The following DPYSL2 variants were observed in gnomAD, a reference collection of about 807,000 sequenced individuals.
DPYSL2 encodes the protein dihydropyrimidinase-related protein 2.
Under a neutral mutation model 69.9 loss-of-function variants are expected in DPYSL2, and 13 were observed. That is an observed-to-expected ratio of 0.19 (90% CI 0.12 to 0.30). The LOEUF (loss-of-function observed/expected upper bound fraction) is 0.30. Among genes scored for constraint, DPYSL2 ranks in the 10% least tolerant of loss-of-function variants. The pLI is 1.00. For missense variants in DPYSL2, 587 were observed against 918.9 expected (o/e 0.64, Z 4.67); for synonymous variants, 326 against 359.1 (o/e 0.91, Z 1.04).
intron 1 of DPYSL2, among the ~76,000 whole-genome samples, chr8:26,549,515 T>C (rs1800838435): frequency 6.6e-6 from 1 of 152,100 alleles, no homozygotes; most frequent in Non-Finnish European, 1.5e-5. Context: ...GAAGCCATAA[T>C]GACTGCGAAT....
intron 1 of DPYSL2, among the ~76,000 whole-genome samples, chr8:26,537,761 A>G (rs2084803416): frequency 6.6e-6 from 1 of 152,216 alleles, no homozygotes; most frequent in African/African-American, 2.4e-5. Flanking sequence ...AACCATCAAA[A>G]TCAGAAAATT....
At chr8:26,548,096 T>G (rs548654765) in intron 1 of DPYSL2, 1 of 225,328 alleles carries the variant, frequency 4.4e-6, no homozygotes, top group Admixed American at 4.4e-5. Context: ...AGGATGGACA[T>G]TATTTTGGGA....
chr8:26,629,738 GATTTTATTTT>G (rs576534531), intron 7 of DPYSL2, among the ~76,000 whole-genome samples: 150 of 152,280 alleles, frequency 9.9e-4, no homozygotes, highest in African/African-American at 3.4e-3. Context: ...GCCTGAGGCT[GATTTTATTTT>G]ATTTTATTTT....
rs570177968 is a variant in DPYSL2 at position 26,626,905 on chromosome 8, G to A, written c.855+227G>A. Among the ~76,000 whole-genome samples, 18 of 152,268 alleles carry A rather than the reference G, an allele frequency of 1.2e-4. No individual in the cohort carries two copies. In the South Asian group the frequency reaches 3.3e-3, roughly 28 times the overall value. ...CTGGATCTGAGGCTCTGCCCCGCACGGCGTGTGTGGGAGCGGCACTCAGAA... is the reference window on the plus strand; with the variant it reads ...CTGGATCTGAGGCTCTGCCCCGCACAGCGTGTGTGGGAGCGGCACTCAGAA... On this transcript the variant is annotated intron_variant, in intron 5 of 13. Transcript: ENST00000521913. The surrounding 1 kb of genome is among the most constrained non-coding windows in gnomAD (Gnocchi z 4.3).
At position 26,514,250 on chromosome 8, in the gene DPYSL2, T is replaced by G; in HGVS notation, c.-76T>G. Reference sequence around the variant, plus strand: ...GCCGCGGCAGCAGCTAGGGGGCTTGTGCACACAGCGAGGGAGACTTAGGGA... The same window carrying G: ...GCCGCGGCAGCAGCTAGGGGGCTTGGGCACACAGCGAGGGAGACTTAGGGA... On this transcript the variant is annotated 5_prime_UTR_variant, in exon 1 of 14. Transcript: ENST00000521913. This position sits in a 1 kb window ranked among gnomAD's most constrained non-coding sequence, Gnocchi z 8.4. 1 of 1,288,312 alleles carries G rather than the reference T, an allele frequency of 7.8e-7. No homozygotes were observed. The highest frequency in any genetic ancestry group is 1.0e-6 in the Non-Finnish European group (1 of 983,074). The allele number at this position is 1,288,312 out of a possible 1,614,324, so 79.8% of individuals were successfully genotyped here.
rs929004917 is a variant in DPYSL2 at position 26,585,506 on chromosome 8, C to T, written c.628+1523C>T. On this transcript the variant is annotated intron_variant, in intron 3 of 13. Transcript: ENST00000521913. The surrounding 1 kb of genome is among the most constrained non-coding windows in gnomAD (Gnocchi z 4.0). ...CAAGTGTAAGCCTTGCGACTTGTGT[C>T]TTGCTGTACATGTTGCCCTTTAACC... Among the ~76,000 whole-genome samples, 1 of 152,082 alleles carries T rather than the reference C, an allele frequency of 6.6e-6. No individual in the cohort carries two copies. The highest frequency in any genetic ancestry group is 1.5e-5 in the Non-Finnish European group (1 of 68,026).
In DPYSL2 at chr8:26,593,909, C is replaced by T. The variant is rs1391490146; in HGVS notation, c.628+9926C>T. ...GACTGGAATCTTTCCTTGTGGGGAG[C>T]CTGTGAGACAAAAATCAAAAGGGCC... On this transcript the variant is annotated intron_variant, in intron 3 of 13. Coordinates refer to ENST00000521913, the MANE Select transcript of DPYSL2 (RefSeq NM_001197293.3). The surrounding 1 kb of genome is among the most constrained non-coding windows in gnomAD (Gnocchi z 5.7). Among the ~76,000 whole-genome samples the T allele has an allele frequency of 1.3e-5, 2 of 152,098 alleles. No homozygotes were observed. Among genetic ancestry groups the T allele is most frequent in the African/African-American group, 4.8e-5 (2 of 41,414 alleles).
chr8:26,604,848 T>A (rs1326795829), intron 3 of DPYSL2, among the ~76,000 whole-genome samples: 1 of 151,968 alleles, frequency 6.6e-6, no homozygotes, highest in Non-Finnish European at 1.5e-5. Context: ...TTTTTTTTAG[T>A]AGAGACGGGG....
At position 26,624,255 on chromosome 8, in the gene DPYSL2, T is replaced by C. The variant is rs327222; in HGVS notation, c.741T>C (p.Ser247=). Residue 247 remains serine (S), a synonymous_variant, in exon 4 of 14, where the codon AGT becomes AGC. Coordinates refer to ENST00000521913, the MANE Select transcript of DPYSL2 (RefSeq NM_001197293.3). The surrounding 1 kb of genome is among the most constrained non-coding windows in gnomAD (Gnocchi z 4.7). ...CCDYSLHVDI[S]EWHKGIQEEM... ...ACTACTCTCTGCATGTGGACATCAG[T>C]GAGTGGCATAAGGGCATCCAGGAGG... 0.98 allele frequency: 1,583,797 copies of C among 1,614,186 alleles called. 777,619 individuals carry two copies. The highest frequency in any genetic ancestry group is 0.99 in the Non-Finnish European group (1,168,925 of 1,180,048).
At chr8:26,655,378 C>T (rs946530071) in intron 13 of DPYSL2, among the ~76,000 whole-genome samples, 1 of 152,078 alleles carries the variant, frequency 6.6e-6, no homozygotes, top group Non-Finnish European at 1.5e-5. Flanking sequence ...TGGCTGTGGT[C>T]CCAGCTTCTT....
At chr8:26,569,316 G>A (rs1167515996) in intron 1 of DPYSL2, among the ~76,000 whole-genome samples, 2 of 140,514 alleles carry the variant, frequency 1.4e-5, no homozygotes, top group Non-Finnish European at 3.0e-5. Context: ...CTCATGCCAC[G>A]GCACTCTAGC....
chr8:26,545,877 GT>G (rs1385974681), intron 1 of DPYSL2, among the ~76,000 whole-genome samples: 1 of 152,044 alleles, frequency 6.6e-6, no homozygotes, highest in Non-Finnish European at 1.5e-5. Flanking sequence ...CCCTTGATCT[GT>G]TTGTCTTGAC....
In DPYSL2 at chr8:26,598,247, C is replaced by T. The variant is rs997348961; in HGVS notation, c.628+14264C>T. ...GCTAAATTTGTTTTGTGACTTTTGC[C>T]TTCAGCAGCCATCGCATTACATCAT... On this transcript the variant is annotated intron_variant, in intron 3 of 13. Transcript: ENST00000521913. The surrounding 1 kb of genome is among the most constrained non-coding windows in gnomAD (Gnocchi z 4.2). 4.6e-5 allele frequency among the ~76,000 whole-genome samples: 7 copies of T among 152,214 alleles called. No individual in the cohort carries two copies. The highest frequency in any genetic ancestry group is 1.7e-4 in the African/African-American group (7 of 41,454).
chr8:26,614,270 G>T lies in DPYSL2; in HGVS notation c.629-9873G>T, dbSNP rs1209036386. Reference sequence around the variant, plus strand: ...ACAGACAGGAAGGGAACAGAACTGGGATGTGGCAGGGACAGGTTCCAGGCA... The same window carrying T: ...ACAGACAGGAAGGGAACAGAACTGGTATGTGGCAGGGACAGGTTCCAGGCA... On this transcript the variant is annotated intron_variant, in intron 3 of 13. Coordinates refer to ENST00000521913, the MANE Select transcript of DPYSL2 (RefSeq NM_001197293.3). This position sits in a 1 kb window ranked among gnomAD's most constrained non-coding sequence, Gnocchi z 4.9. 6.6e-6 allele frequency among the ~76,000 whole-genome samples: 1 copy of T among 152,216 alleles called. No individual in the cohort carries two copies. Among genetic ancestry groups the T allele is most frequent in the African/African-American group, 2.4e-5 (1 of 41,446 alleles).
intron 1 of DPYSL2, among the ~76,000 whole-genome samples, chr8:26,519,349 C>T (rs1217917991): frequency 6.6e-6 from 1 of 152,150 alleles, no homozygotes; most frequent in Admixed American, 6.5e-5. Flanking sequence ...AAGTGATGTC[C>T]TGAAAACTAC....
chr8:26,601,586 C>T (rs2129815957), intron 3 of DPYSL2, among the ~76,000 whole-genome samples: 1 of 152,148 alleles, frequency 6.6e-6, no homozygotes, highest in East Asian at 1.9e-4. Context: ...ACCGTTTTAG[C>T]CAGGATGGTC....
intron 3 of DPYSL2, among the ~76,000 whole-genome samples, chr8:26,590,698 A>G (rs1801705585): frequency 1.3e-5 from 2 of 152,164 alleles, no homozygotes; most frequent in Admixed American, 1.3e-4. Flanking sequence ...GGAAGAATCC[A>G]TCCACCCCCT....
At chr8:26,573,660 C>T (rs1801276343) in intron 1 of DPYSL2, among the ~76,000 whole-genome samples, 1 of 91,750 alleles carries the variant, frequency 1.1e-5, no homozygotes, top group African/African-American at 4.0e-5. Flanking sequence ...CAGAGCAAGA[C>T]TGTCTCAAAA....
chr8:26,626,506 C>T lies in DPYSL2; in HGVS notation c.794-111C>T. ...AAACACACACACACACACACACACA[C>T]ACACACACACACACACGTACACACA... On this transcript the variant is annotated intron_variant, in intron 4 of 13. Coordinates refer to ENST00000521913, the MANE Select transcript of DPYSL2 (RefSeq NM_001197293.3). The surrounding 1 kb of genome is among the most constrained non-coding windows in gnomAD (Gnocchi z 4.3). 5.9e-6 allele frequency: 5 copies of T among 842,132 alleles called. No homozygotes were observed. Among genetic ancestry groups the T allele is most frequent in the Non-Finnish European group, 9.7e-6 (5 of 517,644 alleles). The allele number at this position is 842,132 out of a possible 1,614,324, so 52.2% of individuals were successfully genotyped here.
Sources: allele counts gnomAD v4.1 joint callset (sites outside exome capture counted in the v4.1 genomes callset), GRCh38; gene constraint gnomAD v4.1.1; non-coding constraint Gnocchi (gnomAD v3.1); transcripts MANE v1.5; gene names NCBI Gene and HGNC (gene_info 2026-07-23, HGNC 2026-07-21).